Variants in OXR1 observed in about 807,000 individuals in gnomAD.
The protein encoded by OXR1 is oxidation resistance 1.
A neutral mutation model predicts 104.6 loss-of-function variants in OXR1; 41 were observed. That is an observed-to-expected ratio of 0.39 (90% CI 0.31 to 0.51). OXR1 has a LOEUF of 0.51. Ranked by LOEUF, OXR1 falls within the 20% of genes least tolerant of loss-of-function variation. OXR1 has a pLI of 0.77. For missense variants in OXR1, 955 were observed against 1,031.9 expected (o/e 0.93, Z 1.02); for synonymous variants, 348 against 348.4 (o/e 1.00, Z 0.01).
intron 2 of OXR1, among the ~76,000 whole-genome samples, chr8:106,507,161 T>G (rs143265007): frequency 6.6e-6 from 1 of 152,328 alleles, no homozygotes; most frequent in African/African-American, 2.4e-5. Context: ...TGTCAGGGAA[T>G]CTATGAAAGT....
At chr8:106,713,385 A>C (rs1831902916) in intron 10 of OXR1, among the ~76,000 whole-genome samples, 1 of 151,952 alleles carries the variant, frequency 6.6e-6, no homozygotes, top group Admixed American at 6.6e-5. Flanking sequence ...ATCATTTAAA[A>C]TTTAAGGACA....
At chr8:106,699,910 G>C (rs887136236) in intron 7 of OXR1, among the ~76,000 whole-genome samples, 5 of 152,150 alleles carry the variant, frequency 3.3e-5, no homozygotes, top group Non-Finnish European at 1.5e-5. Flanking sequence ...TATTGTGGAT[G>C]TAAGACTGAA....
rs187690231 is a variant in OXR1 at position 106,740,687 on chromosome 8, C to T, written c.2316+192C>T. 3.9e-5 allele frequency among the ~76,000 whole-genome samples: 6 copies of T among 152,190 alleles called. No individual in the cohort carries two copies. The East Asian group carries it at 1.2e-3, about 29-fold the overall frequency. ...ATATGAGCATGATGATTAAGAATTA[C>T]TGCCTTCAAAGGGATTATAGAGTGG... On this transcript the variant is annotated intron_variant, in intron 14 of 16. Transcript: ENST00000517566.
intron 2 of OXR1, among the ~76,000 whole-genome samples, chr8:106,379,331 G>A (rs1451837254): frequency 6.6e-6 from 1 of 152,242 alleles, no homozygotes; most frequent in Admixed American, 6.5e-5. Flanking sequence ...TAATTGATAT[G>A]TAGATCTTTC....
At chr8:106,735,698 TAG>T (rs1834305570) in intron 11 of OXR1, among the ~76,000 whole-genome samples, 1 of 152,142 alleles carries the variant, frequency 6.6e-6, no homozygotes, top group Non-Finnish European at 1.5e-5. Flanking sequence ...TAAATATTTC[TAG>T]AGACCTGTTT....
chr8:106,351,674 C>G (rs953669233), intron 1 of OXR1, among the ~76,000 whole-genome samples: 4 of 152,048 alleles, frequency 2.6e-5, no homozygotes, highest in African/African-American at 9.7e-5. Context: ...TCTTGTGAAC[C>G]ATCTCAGGGA....
intron 1 of OXR1, among the ~76,000 whole-genome samples, chr8:106,344,315 G>A (rs867155206): frequency 2.7e-5 from 4 of 146,172 alleles, no homozygotes; most frequent in Non-Finnish European, 4.6e-5. Flanking sequence ...GCTAGCCACC[G>A]TTTTTTGTTT....
At chr8:106,498,000 G>T (rs1452892180) in intron 2 of OXR1, among the ~76,000 whole-genome samples, 1 of 151,968 alleles carries the variant, frequency 6.6e-6, no homozygotes, top group Non-Finnish European at 1.5e-5. Context: ...CTTTTAACTG[G>T]GTTCAAATGT....
At chr8:106,496,713 C>T (rs941379372) in intron 2 of OXR1, among the ~76,000 whole-genome samples, 6 of 152,216 alleles carry the variant, frequency 3.9e-5, no homozygotes, top group Admixed American at 3.9e-4. Flanking sequence ...CTAATGATGA[C>T]TAACACACTA....
intron 3 of OXR1, among the ~76,000 whole-genome samples, chr8:106,616,834 A>G (rs1821282183): frequency 6.6e-6 from 1 of 152,116 alleles, no homozygotes; most frequent in Non-Finnish European, 1.5e-5. Context: ...CCTGAAGCCC[A>G]CCTGTTTGGG....
At chr8:106,400,231 T>C (rs1274423960) in intron 2 of OXR1, among the ~76,000 whole-genome samples, 3 of 152,150 alleles carry the variant, frequency 2.0e-5, no homozygotes, top group African/African-American at 7.2e-5. Context: ...TCTGACATCA[T>C]TAAAGTGTTC....
At chr8:106,360,481 C>T (rs1816193275) in intron 2 of OXR1, among the ~76,000 whole-genome samples, 1 of 151,862 alleles carries the variant, frequency 6.6e-6, no homozygotes, top group Non-Finnish European at 1.5e-5. Flanking sequence ...AACTTAGCTC[C>T]ATAAATTTAT....
chr8:106,450,027 C>T (rs1820228110), intron 2 of OXR1, among the ~76,000 whole-genome samples: 1 of 152,062 alleles, frequency 6.6e-6, no homozygotes, highest in African/African-American at 2.4e-5. Flanking sequence ...TTACTCCAGG[C>T]CAGTAAAGTT....
chr8:106,274,604 C>CG (rs900261343), intron 1 of OXR1, among the ~76,000 whole-genome samples: 1 of 133,084 alleles, frequency 7.5e-6, no homozygotes, highest in African/African-American at 2.7e-5. Context: ...AACGCCACCC[C>CG]CCCCCCGACC....
chr8:106,602,177 G>A (rs900904612), intron 3 of OXR1, among the ~76,000 whole-genome samples: 3 of 152,200 alleles, frequency 2.0e-5, no homozygotes, highest in East Asian at 1.9e-4. Flanking sequence ...CCACAAAACC[G>A]TGGGTAGTAA....
chr8:106,746,316 T>A (rs1215529551), intron 16 of OXR1, among the ~76,000 whole-genome samples: 6 of 4,288 alleles, frequency 1.4e-3, no homozygotes. Flanking sequence ...TTTGCTTGCT[T>A]GTTTTTTAAC....
chr8:106,594,040 T>C (rs919689672), intron 3 of OXR1, among the ~76,000 whole-genome samples: 2 of 152,208 alleles, frequency 1.3e-5, no homozygotes, highest in African/African-American at 2.4e-5. Context: ...GTTGAAGTGT[T>C]AGGACACTGC....
intron 2 of OXR1, among the ~76,000 whole-genome samples, chr8:106,373,835 C>G (rs1428597816): frequency 1.3e-5 from 2 of 152,190 alleles, no homozygotes; most frequent in Non-Finnish European, 2.9e-5. Context: ...AGTTATCTGC[C>G]TGTCTTGGCC....
chr8:106,275,350 G>T, intron 1 of OXR1, among the ~76,000 whole-genome samples: 1 of 152,200 alleles, frequency 6.6e-6, no homozygotes, highest in South Asian at 2.1e-4. Context: ...CTTGTTGAAT[G>T]GATGTGTGCC....
Sources: gnomAD v4.1 joint callset for allele counts (sites outside exome capture counted in the v4.1 genomes callset) on GRCh38, gnomAD v4.1.1 for gene constraint, MANE v1.5 for transcripts, NCBI Gene and HGNC (gene_info 2026-07-23, HGNC 2026-07-21) for gene names.